The following PCDHGA8 variants were observed in gnomAD, a reference collection of about 807,000 sequenced individuals.
PCDHGA8 encodes the protein protocadherin gamma subfamily A, 8.
Under a neutral mutation model 59.2 loss-of-function variants are expected in PCDHGA8, and 45 were observed. The observed-to-expected ratio is 0.76, with a 90% CI of 0.60 to 0.98. PCDHGA8 has a LOEUF of 0.98. PCDHGA8 is among the 50% of genes least tolerant of loss of function. The pLI, the probability that PCDHGA8 is intolerant of heterozygous loss-of-function variation, is 0.00. For missense variants in PCDHGA8, 1,257 were observed against 1,196.2 expected (o/e 1.05, Z -0.75); for synonymous variants, 531 against 519.0 (o/e 1.02, Z -0.32).
At chr5:141,462,497 T>C (rs1333421053) in intron 1 of PCDHGA8, among the ~76,000 whole-genome samples, 1 of 152,244 alleles carries the variant, frequency 6.6e-6, no homozygotes, top group Non-Finnish European at 1.5e-5. Flanking sequence ...TATCCTATAA[T>C]TGTCAACTAG....
chr5:141,478,857 C>A, intron 1 of PCDHGA8: 1 of 1,353,600 alleles, frequency 7.4e-7, no homozygotes, highest in Non-Finnish European at 9.8e-7. Context: ...AACACAAGAT[C>A]TCAGCGATCA....
At chr5:141,433,150 G>C (rs1466566074) in intron 1 of PCDHGA8, 5 of 1,613,936 alleles carry the variant, frequency 3.1e-6, no homozygotes, top group Middle Eastern at 1.6e-4. Flanking sequence ...CAGGTGATTC[G>C]GTATTTTCTA....
At position 141,404,694 on chromosome 5, in the gene PCDHGA8, C is replaced by T. The variant is rs749803871; in HGVS notation, c.2424+9457C>T. 10 of 1,614,116 alleles carry T rather than the reference C, an allele frequency of 6.2e-6. No homozygotes were observed. The East Asian group carries it at 2.0e-4, about 32-fold the overall frequency. ...ACTGGTGTGGAGCTGGCACCCCGCT[C>T]TGCAGAGCCTGGCTACCTGGTGACC... On this transcript the variant is annotated intron_variant, in intron 1 of 3. Coordinates refer to ENST00000398604, the MANE Select transcript of PCDHGA8 (RefSeq NM_032088.2).
At chr5:141,447,230 C>G (rs1309076828) in intron 1 of PCDHGA8, among the ~76,000 whole-genome samples, 1 of 152,132 alleles carries the variant, frequency 6.6e-6, no homozygotes, top group Non-Finnish European at 1.5e-5. Flanking sequence ...ACCTCCGCCT[C>G]CCGGGTTCAA....
rs748824740 is a variant in PCDHGA8, at chr5:141,392,968, T to C, written c.155T>C (p.Leu52Pro). The C allele has an allele frequency of 6.2e-7, 1 of 1,613,910 alleles. No individual in the cohort carries two copies. Among genetic ancestry groups the C allele is most frequent in the Non-Finnish European group, 8.5e-7 (1 of 1,179,878 alleles). ...TTCGTGGGTAATATCTCCAAGGACC[T>C]GGGGCTGGACCCCCGGAAGCTGGCG... ...GSFVGNISKD[L>P]GLDPRKLAKH... Residue 52 changes from leucine (L) to proline (P), a missense_variant, in exon 1 of 4, where the codon CTG becomes CCG. Transcript: ENST00000398604.
chr5:141,434,455 G>A (rs2097695575), intron 1 of PCDHGA8, among the ~76,000 whole-genome samples: 1 of 152,192 alleles, frequency 6.6e-6, no homozygotes, highest in Admixed American at 6.5e-5. Context: ...GAAGGTAGTG[G>A]GTTTACCGGA....
In PCDHGA8 at chr5:141,491,731, C is replaced by T. The variant is rs1198438920; in HGVS notation, c.2425-3076C>T. ...GGGCTCGGCGCCGCCCCGGGCGACC[C>T]CTGGGGGCGGCACTGGAGAAGCCGC... On this transcript the variant is annotated intron_variant, in intron 1 of 3. Coordinates refer to ENST00000398604, the MANE Select transcript of PCDHGA8 (RefSeq NM_032088.2). The surrounding 1 kb of genome is among the most constrained non-coding windows in gnomAD (Gnocchi z 6.9). 1 of 1,603,678 alleles carries T rather than the reference C, an allele frequency of 6.2e-7. No homozygotes were observed. Among genetic ancestry groups the T allele is most frequent in the Non-Finnish European group, 8.5e-7 (1 of 1,175,748 alleles).
intron 1 of PCDHGA8, chr5:141,395,894 C>T (rs768471284): frequency 6.6e-6 from 1 of 152,020 alleles, no homozygotes; most frequent in Non-Finnish European, 1.5e-5. Flanking sequence ...CACCTGGGCT[C>T]CATGCCCATG....
At chr5:141,434,035 T>C (rs2154556047) in intron 1 of PCDHGA8, among the ~76,000 whole-genome samples, 1 of 152,316 alleles carries the variant, frequency 6.6e-6, no homozygotes, top group Non-Finnish European at 1.5e-5. Flanking sequence ...AAGCATGGTT[T>C]TCTATTTTAT....
intron 1 of PCDHGA8, chr5:141,405,358 A>T: frequency 6.2e-7 from 1 of 1,613,900 alleles, no homozygotes; most frequent in East Asian, 2.2e-5. Flanking sequence ...TTCCTATAGA[A>T]GACACCCCTT....
intron 1 of PCDHGA8, among the ~76,000 whole-genome samples, chr5:141,433,653 T>C (rs1030084681): frequency 6.6e-6 from 1 of 152,024 alleles, no homozygotes; most frequent in Non-Finnish European, 1.5e-5. Flanking sequence ...CTGACCAACA[T>C]GGAGAAACCC....
rs1441582051 is a variant in PCDHGA8, at chr5:141,487,416, G to A, written c.2425-7391G>A. 1 of 1,614,088 alleles carries A rather than the reference G, an allele frequency of 6.2e-7. No individual in the cohort carries two copies. Among genetic ancestry groups the A allele is most frequent in the Admixed American group, 1.7e-5 (1 of 60,024 alleles). On this transcript the variant is annotated intron_variant, in intron 1 of 3. Coordinates refer to ENST00000398604, the MANE Select transcript of PCDHGA8 (RefSeq NM_032088.2). The surrounding 1 kb of genome is among the most constrained non-coding windows in gnomAD (Gnocchi z 5.0). ...AGGGAGGGGCTTCCCCCTTCCAATGGGATCCTCCGAATCCAGCTAGGGTCA... is the reference window on the plus strand; with the variant it reads ...AGGGAGGGGCTTCCCCCTTCCAATGAGATCCTCCGAATCCAGCTAGGGTCA...
In PCDHGA8 at chr5:141,413,486, C is replaced by T. The variant is rs756751796; in HGVS notation, c.2424+18249C>T. On this transcript the variant is annotated intron_variant, in intron 1 of 3. Transcript: ENST00000398604. Reference sequence around the variant, plus strand: ...CGGGAGGAGCTCTGCGCTCAGAGCGCGCGGTGCGTGGTGAGTTTTAATATC... The same window carrying T: ...CGGGAGGAGCTCTGCGCTCAGAGCGTGCGGTGCGTGGTGAGTTTTAATATC... 5.0e-6 allele frequency: 8 copies of T among 1,613,914 alleles called. No homozygotes were observed. The African/African-American group carries it at 9.3e-5, about 19-fold the overall frequency.
intron 1 of PCDHGA8, chr5:141,441,671 C>A (rs1027440120): frequency 7.0e-6 from 2 of 287,530 alleles, no homozygotes; most frequent in South Asian, 2.9e-5. Flanking sequence ...GCGCACAGTG[C>A]GCCTTCGACC....
At position 141,394,740 on chromosome 5, in the gene PCDHGA8, G is replaced by C; in HGVS notation, c.1927G>C (p.Val643Leu). 2 of 1,613,404 alleles carry C rather than the reference G, an allele frequency of 1.2e-6. No homozygotes were observed. Among genetic ancestry groups the C allele is most frequent in the Non-Finnish European group, 1.7e-6 (2 of 1,179,980 alleles). Residue 643 changes from valine (V) to leucine (L), a missense_variant, in exon 1 of 4, where the codon GTG becomes CTG. Physicochemically the swap from Val to Leu is conservative, Grantham distance 32. Coordinates refer to ENST00000398604, the MANE Select transcript of PCDHGA8 (RefSeq NM_032088.2). ...CAGAGATGCGCTCAAGCAGAGCCTC[G>C]TGGTGGCCGTCCAGGACCATGGCCA... ...LDRDALKQSLVVAVQDHGQPP... is the reference protein window; with the variant it reads ...LDRDALKQSLLVAVQDHGQPP...
rs765535731 is a variant in PCDHGA8, at chr5:141,427,976, G to T, written c.2424+32739G>T. On this transcript the variant is annotated intron_variant, in intron 1 of 3. Transcript: ENST00000398604. ...ATGTGCCGCGGGTGCTGTACCCCGC[G>T]CTGGGGCCCGATGGCTCCGCACTCT... 1.1e-5 allele frequency: 17 copies of T among 1,594,884 alleles called. No individual in the cohort carries two copies. The East Asian group carries it at 1.6e-4, about 15-fold the overall frequency.
chr5:141,413,265 T>C, intron 1 of PCDHGA8: 1 of 1,613,958 alleles, frequency 6.2e-7, no homozygotes, highest in Non-Finnish European at 8.5e-7. Context: ...CATGGGAGGC[T>C]GGAGCCCGGC....
At chr5:141,414,508 C>T in intron 1 of PCDHGA8, 1 of 1,613,970 alleles carries the variant, frequency 6.2e-7, no homozygotes, top group Non-Finnish European at 8.5e-7. Context: ...CTTTATGCTA[C>T]AAGTGGCAGA....
At chr5:141,494,455 G>A (rs906714175) in intron 1 of PCDHGA8, among the ~76,000 whole-genome samples, 2 of 152,156 alleles carry the variant, frequency 1.3e-5, no homozygotes, top group African/African-American at 4.8e-5. Flanking sequence ...AGGGGGCTTT[G>A]TCTGCACCTC....
Sources: gnomAD v4.1 joint callset for allele counts (sites outside exome capture counted in the v4.1 genomes callset) on GRCh38, gnomAD v4.1.1 for gene constraint, Gnocchi (gnomAD v3.1) non-coding constraint, MANE v1.5 for transcripts, NCBI Gene and HGNC (gene_info 2026-07-23, HGNC 2026-07-21) for gene names.